The following GPHN variants were observed in gnomAD, a reference collection of about 807,000 sequenced individuals.
GPHN encodes the protein gephyrin.
In GPHN, 17 loss-of-function variants were observed where a neutral mutation model predicts 95.5. The observed-to-expected ratio is 0.18, with a 90% confidence interval of 0.12 to 0.27. The LOEUF (loss-of-function observed/expected upper bound fraction) is 0.27. Ranked by LOEUF, GPHN falls within the 10% of genes least tolerant of loss-of-function variation. The probability of loss-of-function intolerance (pLI) is 1.00; values close to 1 mark genes in which losing one functional copy is unlikely to be tolerated. For synonymous variants in GPHN, 320 were observed against 322.5 expected, an observed-to-expected ratio of 0.99 and a Z score of 0.08; for missense variants, 660 against 978.1, an observed-to-expected ratio of 0.67 and a Z score of 4.34.
At chr14:66,565,710 C>T (rs2060435927) in intron 1 of GPHN, among the ~76,000 whole-genome samples, 1 of 152,114 alleles carries the variant, frequency 6.6e-6, no homozygotes, top group Non-Finnish European at 1.5e-5. Context: ...GTCCTAATCA[C>T]AGTTATTATG....
the GPHN span, among the ~76,000 whole-genome samples, chr14:67,610,301 T>C: frequency 6.6e-6 from 1 of 152,200 alleles, no homozygotes; most frequent in South Asian, 2.1e-4. Flanking sequence ...TTGTTGTGTA[T>C]ATTCTAGTGC....
intron 18 of GPHN, among the ~76,000 whole-genome samples, chr14:67,144,246 A>ATATATAT (rs1237842407): frequency 2.1e-4 from 14 of 65,600 alleles, no homozygotes; most frequent in Non-Finnish European, 2.3e-4. Flanking sequence ...TAAAAAAAAA[A>ATATATAT]AAAAATATAT....
At chr14:67,015,468 G>A (rs899150255) in intron 9 of GPHN, among the ~76,000 whole-genome samples, 5 of 152,084 alleles carry the variant, frequency 3.3e-5, no homozygotes, top group Non-Finnish European at 7.4e-5. Context: ...GGAGGCCAAG[G>A]CAGGCAGATC....
the GPHN span, chr14:67,199,494 C>T: frequency 1.2e-6 from 2 of 1,613,124 alleles, no homozygotes; most frequent in South Asian, 2.2e-5. Flanking sequence ...AAAGGTTATG[C>T]CTTTATTAAT....
chr14:66,916,564 C>T (rs547619195), intron 6 of GPHN, among the ~76,000 whole-genome samples: 1 of 138,644 alleles, frequency 7.2e-6, no homozygotes, highest in African/African-American at 2.7e-5. Context: ...ATGTGAATGA[C>T]CTTTAGTCTT....
At chr14:67,542,148 C>T in the GPHN span, among the ~76,000 whole-genome samples, 1 of 152,148 alleles carries the variant, frequency 6.6e-6, no homozygotes, top group Non-Finnish European at 1.5e-5. Context: ...AGACCAAAGT[C>T]CGAGCAGTTT....
At chr14:67,413,984 G>T in the GPHN span, among the ~76,000 whole-genome samples, 1 of 152,210 alleles carries the variant, frequency 6.6e-6, no homozygotes, top group Non-Finnish European at 1.5e-5. Flanking sequence ...GCCTCCTAAG[G>T]AATTGTCCCA....
chr14:66,579,641 A>C (rs1046710617), intron 1 of GPHN, among the ~76,000 whole-genome samples: 1 of 151,836 alleles, frequency 6.6e-6, no homozygotes, highest in Non-Finnish European at 1.5e-5. Flanking sequence ...GTGTTGGTTA[A>C]TCAAGAAGAT....
intron 9 of GPHN, among the ~76,000 whole-genome samples, chr14:66,975,311 T>C (rs2070137783): frequency 6.6e-6 from 1 of 152,222 alleles, no homozygotes; most frequent in Non-Finnish European, 1.5e-5. Flanking sequence ...GTAACTTCTG[T>C]TATTTCTACT....
At chr14:66,843,485 G>A (rs1242845721) in intron 4 of GPHN, among the ~76,000 whole-genome samples, 1 of 152,132 alleles carries the variant, frequency 6.6e-6, no homozygotes, top group Non-Finnish European at 1.5e-5. Context: ...CTTGACTGTT[G>A]CCTCCTCTAC....
At chr14:66,957,419 C>T (rs2068596469) in intron 8 of GPHN, among the ~76,000 whole-genome samples, 2 of 151,880 alleles carry the variant, frequency 1.3e-5, no homozygotes, top group Non-Finnish European at 2.9e-5. Flanking sequence ...TGGTCTTGAG[C>T]AGCTGACCTC....
At chr14:67,275,861 G>A in the GPHN span, among the ~76,000 whole-genome samples, 15 of 152,248 alleles carry the variant, frequency 9.9e-5, 1 homozygote, top group South Asian at 2.7e-3. Context: ...GGGTATATGT[G>A]TCCAGGAATT....
the GPHN span, chr14:67,583,764 G>A: frequency 6.2e-7 from 1 of 1,611,638 alleles, no homozygotes; most frequent in Non-Finnish European, 8.5e-7. Flanking sequence ...ACTTGGAGAA[G>A]CCTGCCCTGC....
chr14:66,898,042 T>G (rs1268631344), intron 5 of GPHN, among the ~76,000 whole-genome samples: 42 of 152,096 alleles, frequency 2.8e-4, no homozygotes, highest in Admixed American at 2.8e-3. Flanking sequence ...GCCTATTGTC[T>G]GACTGTGTTT....
the GPHN span, among the ~76,000 whole-genome samples, chr14:67,223,516 C>T: frequency 6.6e-6 from 1 of 152,174 alleles, no homozygotes; most frequent in Non-Finnish European, 1.5e-5. Context: ...TCATCTTCGA[C>T]AATCTAGCAG....
chr14:67,580,765 G>A, the GPHN span: 1 of 577,604 alleles, frequency 1.7e-6, no homozygotes, highest in South Asian at 2.1e-5. Context: ...TTGTGAGGGA[G>A]CTGCTGCCAC....
intron 21 of GPHN, among the ~76,000 whole-genome samples, chr14:67,170,699 C>T (rs2082550297): frequency 1.3e-5 from 2 of 152,184 alleles, no homozygotes; most frequent in African/African-American, 4.8e-5. Context: ...CAGTCAAATG[C>T]CTTTCTCCCA....
chr14:66,532,913 A>C (rs1232748694), intron 1 of GPHN, among the ~76,000 whole-genome samples: 1 of 152,118 alleles, frequency 6.6e-6, no homozygotes, highest in East Asian at 1.9e-4. Flanking sequence ...GTGTTTCTAA[A>C]ATGTTTGAGG....
At chr14:67,580,072 G>A in the GPHN span, 2 of 569,488 alleles carry the variant, frequency 3.5e-6, no homozygotes, top group Non-Finnish European at 6.2e-6. Flanking sequence ...GTGTGCCCTT[G>A]TCTCTGGAGA....
Sources: gnomAD v4.1 joint callset for allele counts (sites outside exome capture counted in the v4.1 genomes callset) on GRCh38, gnomAD v4.1.1 for gene constraint, MANE v1.5 for transcripts, NCBI Gene and HGNC (gene_info 2026-07-23, HGNC 2026-07-21) for gene names.